DLG1: variants seen among roughly 807,000 people sequenced by gnomAD.
DLG1 encodes disks large homolog 1.
Under a neutral mutation model 123.4 loss-of-function variants are expected in DLG1, and 42 were observed. The observed-to-expected ratio is 0.34, with a 90% CI of 0.27 to 0.44. The LOEUF (loss-of-function observed/expected upper bound fraction) is 0.44. Ranked by LOEUF, DLG1 falls within the 20% of genes least tolerant of loss-of-function variation. The pLI, the probability that DLG1 is intolerant of heterozygous loss-of-function variation, is 1.00. For missense variants in DLG1, 942 were observed against 1,082.6 expected (o/e 0.87, Z 1.82); for synonymous variants, 317 against 356.2 (o/e 0.89, Z 1.24).
At chr3:197,261,635 A>G (rs1319274409) in intron 4 of DLG1, among the ~76,000 whole-genome samples, 2 of 152,182 alleles carry the variant, frequency 1.3e-5, no homozygotes, top group Non-Finnish European at 2.9e-5. Flanking sequence ...TCAAATACAC[A>G]TGGACTGCAC....
chr3:197,272,529 T>C (rs1764362727), intron 4 of DLG1, among the ~76,000 whole-genome samples: 1 of 152,218 alleles, frequency 6.6e-6, no homozygotes, highest in South Asian at 2.1e-4. Flanking sequence ...TTAGGAAAGT[T>C]ATCTGTTGTT....
upstream of DLG1, chr3:197,298,913 A>C (rs1328263189): frequency 8.4e-6 from 2 of 238,960 alleles, no homozygotes; most frequent in Admixed American, 5.6e-5. Context: ...TGGTATACTT[A>C]AGGGTGGGCA....
intron 13 of DLG1, among the ~76,000 whole-genome samples, chr3:197,114,985 A>G (rs1439544104): frequency 2.7e-5 from 2 of 74,806 alleles, no homozygotes; most frequent in Non-Finnish European, 5.6e-5. Flanking sequence ...CTCCATCTCA[A>G]GGAAAAAAAA....
intron 4 of DLG1, among the ~76,000 whole-genome samples, chr3:197,211,683 A>G (rs1381023021): frequency 2.0e-5 from 3 of 146,626 alleles, no homozygotes; most frequent in Non-Finnish European, 4.6e-5. Flanking sequence ...CAACCATTGT[A>G]GAAAGTAGTA....
At chr3:197,273,009 G>A (rs1764562757) in intron 4 of DLG1, among the ~76,000 whole-genome samples, 1 of 152,074 alleles carries the variant, frequency 6.6e-6, no homozygotes, top group Non-Finnish European at 1.5e-5. Flanking sequence ...TCTAATTCCA[G>A]AACCTGTTAG....
intron 5 of DLG1, among the ~76,000 whole-genome samples, chr3:197,162,636 G>A (rs1799265530): frequency 6.6e-6 from 1 of 152,102 alleles, no homozygotes; most frequent in African/African-American, 2.4e-5. Flanking sequence ...TTCAACAATG[G>A]TGCTGAGACA....
chr3:197,107,734 A>C (rs1767401995), intron 13 of DLG1, among the ~76,000 whole-genome samples: 1 of 151,852 alleles, frequency 6.6e-6, no homozygotes, highest in Admixed American at 6.6e-5. Context: ...TGTATTTCTT[A>C]AGATTTTTTC....
At chr3:197,188,497 T>C (rs1333040547) in intron 5 of DLG1, among the ~76,000 whole-genome samples, 2 of 152,236 alleles carry the variant, frequency 1.3e-5, no homozygotes, top group East Asian at 1.9e-4. Flanking sequence ...ATCCTAGCAG[T>C]TGATTTTTAA....
At chr3:197,277,371 C>T (rs1766981129) in intron 4 of DLG1, among the ~76,000 whole-genome samples, 1 of 151,832 alleles carries the variant, frequency 6.6e-6, no homozygotes, top group South Asian at 2.1e-4. Flanking sequence ...CACCCTGTCA[C>T]CCAGGCTGGA....
intron 4 of DLG1, among the ~76,000 whole-genome samples, chr3:197,233,034 A>AG: frequency 1.3e-5 from 2 of 152,344 alleles, no homozygotes; most frequent in Middle Eastern, 6.8e-3. Flanking sequence ...CTGACTGGAA[A>AG]GGAAGAAGTA....
chr3:197,297,355 A>C (rs1777938406), intron 1 of DLG1, 120 bp from the exon 2 acceptor site: 2 of 1,478,002 alleles, frequency 1.4e-6, no homozygotes, highest in Admixed American at 2.5e-5. Context: ...AGTTTTACCA[A>C]GTCAAAGAAA....
intron 4 of DLG1, among the ~76,000 whole-genome samples, chr3:197,267,664 TC>T (rs1762275570): frequency 6.6e-6 from 1 of 152,170 alleles, no homozygotes; most frequent in African/African-American, 2.4e-5. Flanking sequence ...AAAAAAATTA[TC>T]TAACTACACA....
At chr3:197,148,388 G>A in intron 6 of DLG1, among the ~76,000 whole-genome samples, 1 of 144,072 alleles carries the variant, frequency 6.9e-6, no homozygotes, top group African/African-American at 2.6e-5. Context: ...TCCAGCCTGG[G>A]TGACAGAGTG....
At chr3:197,138,945 A>G (rs1786501267) in intron 8 of DLG1, among the ~76,000 whole-genome samples, 1 of 152,218 alleles carries the variant, frequency 6.6e-6, no homozygotes, top group Non-Finnish European at 1.5e-5. Flanking sequence ...GGTCACAGAG[A>G]TAGTGTGAAA....
chr3:197,140,556 A>T (rs1043273819), intron 7 of DLG1, among the ~76,000 whole-genome samples: 10 of 152,218 alleles, frequency 6.6e-5, no homozygotes, highest in Non-Finnish European at 1.3e-4. Context: ...TTAGTCACCC[A>T]TCTGCAGAGG....
chr3:197,069,128 G>T, intron 19 of DLG1, 91 bp downstream of exon 19: 8 of 803,966 alleles, frequency 1.0e-5, no homozygotes, highest in Non-Finnish European at 1.5e-5. Context: ...ATAACTTCAG[G>T]TTTTTATAAC....
At chr3:197,228,293 C>A (rs956013419) in intron 4 of DLG1, among the ~76,000 whole-genome samples, 2 of 152,164 alleles carry the variant, frequency 1.3e-5, no homozygotes, top group African/African-American at 4.8e-5. Context: ...CAGTTCTGTG[C>A]AGACATGTCT....
chr3:197,155,490 T>C (rs943134148), intron 5 of DLG1, among the ~76,000 whole-genome samples: 1 of 152,290 alleles, frequency 6.6e-6, no homozygotes, highest in South Asian at 2.1e-4. Flanking sequence ...CAAAGTCATA[T>C]GAAGAAATAA....
chr3:197,150,223 G>T (rs1282755161), intron 5 of DLG1, among the ~76,000 whole-genome samples: 2 of 150,548 alleles, frequency 1.3e-5, no homozygotes, highest in African/African-American at 4.9e-5. Context: ...TTTTAAACAA[G>T]GAAAAAAAAA....
Sources: allele counts gnomAD v4.1 joint callset (sites outside exome capture counted in the v4.1 genomes callset), GRCh38; gene constraint gnomAD v4.1.1; transcripts MANE v1.5; gene names NCBI Gene and HGNC (gene_info 2026-07-23, HGNC 2026-07-21).